Variants in NHSL1 observed in about 807,000 individuals in gnomAD.
NHSL1 encodes NHS-like protein 1.
In NHSL1, 48 loss-of-function variants were observed where a neutral mutation model predicts 95.0. The observed-to-expected ratio is 0.51, with a 90% CI of 0.40 to 0.64. The LOEUF (loss-of-function observed/expected upper bound fraction) is 0.64. NHSL1 is among the 30% of genes least tolerant of loss of function. The pLI is 0.00. For synonymous variants in NHSL1, 783 were observed against 833.9 expected, an observed-to-expected ratio of 0.94 and a Z score of 1.05; for missense variants, 1,971 against 2,077.7, an observed-to-expected ratio of 0.95 and a Z score of 1.00.
chr6:138,506,644 A>T (rs1247830699), intron 1 of NHSL1, among the ~76,000 whole-genome samples: 2 of 152,200 alleles, frequency 1.3e-5, no homozygotes, highest in Non-Finnish European at 2.9e-5. Context: ...GTTAATCTGG[A>T]AATCTTAAAG....
intron 1 of NHSL1, among the ~76,000 whole-genome samples, chr6:138,559,751 T>C (rs1209799962): frequency 6.6e-6 from 1 of 152,108 alleles, no homozygotes; most frequent in East Asian, 1.9e-4. Flanking sequence ...GGTCATAAAA[T>C]CAAGTAGTAA....
At chr6:138,683,863 T>C (rs1402682160) in intron 1 of NHSL1, among the ~76,000 whole-genome samples, 1 of 152,254 alleles carries the variant, frequency 6.6e-6, no homozygotes, top group Non-Finnish European at 1.5e-5. Context: ...ATTAAGGTGT[T>C]TGGCGTATGG....
Position 138,499,391 on chromosome 6 carries a change from T to C in NHSL1, c.-101A>G, listed in dbSNP as rs1780552022. 2 of 1,504,324 alleles carry C rather than the reference T, an allele frequency of 1.3e-6. No homozygotes were observed. The highest frequency in any genetic ancestry group is 1.4e-5 in the African/African-American group (1 of 71,038). 93.2% of individuals were successfully genotyped at this position (1,504,324 alleles called of 1,614,324 possible). A position where few individuals can be genotyped will look rare whatever the true frequency, so the allele number is the denominator to read the frequency against. ...CGTCCTTCTGCTACAGATTCTAACT[T>C]TTTCTTCCCCCGGTCTCATATCCTT... On this transcript the variant is annotated 5_prime_UTR_variant, in exon 1 of 8. Transcript: ENST00000343505.
chr6:138,535,622 T>G (rs936137372), intron 1 of NHSL1, among the ~76,000 whole-genome samples: 2 of 152,074 alleles, frequency 1.3e-5, no homozygotes, highest in African/African-American at 4.8e-5. Flanking sequence ...TCAAGGTTTT[T>G]GGGATAAGCA....
At position 138,441,975 on chromosome 6, in the gene NHSL1, A is replaced by T; in HGVS notation, c.664+8T>A. 6.5e-7 allele frequency: 1 copy of T among 1,547,520 alleles called. No individual in the cohort carries two copies. Among genetic ancestry groups the T allele is most frequent in the South Asian group, 1.2e-5 (1 of 83,284 alleles). ...AGGGCAACAGAATACAGTTCTGATG[A>T]GCCATACCTAGCTCCTTCTGTATGT... is the stretch of plus-strand genomic sequence containing the variant. On this transcript the variant is annotated splice_region_variant and intron_variant, in intron 5 of 7. Coordinates refer to ENST00000343505, the MANE Select transcript of NHSL1 (RefSeq NM_001144060.2).
rs146420484 is a variant in NHSL1, at chr6:138,678,450, T to G, written c.96+14026A>C. On this transcript the variant is annotated intron_variant, in intron 1 of 3. Coordinates refer to the NHSL1 transcript ENST00000491526. The stretch of plus-strand genomic sequence containing the variant: ...GACATTAATTCACCTCCCTGAGTCA[T>G]GCCATTGGACTAGTAGCACCATGAT... Among the ~76,000 whole-genome samples, 265 of 152,322 alleles carry G rather than the reference T, an allele frequency of 1.7e-3. 1 individual carries two copies. Among genetic ancestry groups the G allele is most frequent in the African/African-American group, 6.2e-3 (258 of 41,578 alleles).
At chr6:138,526,377 A>G (rs1320772886) in intron 1 of NHSL1, among the ~76,000 whole-genome samples, 2 of 152,174 alleles carry the variant, frequency 1.3e-5, no homozygotes, top group Non-Finnish European at 2.9e-5. Context: ...ACTACTGGGA[A>G]GGCTGAGGTG....
intron 1 of NHSL1, among the ~76,000 whole-genome samples, chr6:138,689,992 G>A (rs1375342533): frequency 6.6e-6 from 1 of 152,284 alleles, no homozygotes; most frequent in African/African-American, 2.4e-5. Context: ...GGGACGACAG[G>A]CGAGACAATC....
intron 1 of NHSL1, among the ~76,000 whole-genome samples, chr6:138,504,908 G>A (rs1448298296): frequency 6.6e-6 from 1 of 152,122 alleles, no homozygotes; most frequent in Admixed American, 6.5e-5. Context: ...AATGTTTCAG[G>A]AACCAAATAA....
chr6:138,505,466 T>C (rs1780909794), intron 1 of NHSL1, among the ~76,000 whole-genome samples: 1 of 151,878 alleles, frequency 6.6e-6, no homozygotes, highest in South Asian at 2.1e-4. Flanking sequence ...CCATCCTAGC[T>C]AAAATGGTGA....
At chr6:138,495,495 C>CA (rs1421316694) in intron 2 of NHSL1, among the ~76,000 whole-genome samples, 2 of 151,872 alleles carry the variant, frequency 1.3e-5, no homozygotes, top group African/African-American at 4.8e-5. Flanking sequence ...CAAGTGTGTT[C>CA]AAAAAAACAA....
intron 1 of NHSL1, among the ~76,000 whole-genome samples, chr6:138,627,503 T>C (rs1356674466): frequency 6.6e-6 from 1 of 152,226 alleles, no homozygotes; most frequent in Non-Finnish European, 1.5e-5. Flanking sequence ...ACATTTGGTA[T>C]ATATAAACTA....
At position 138,464,666 on chromosome 6, in the gene NHSL1, A is replaced by T. The variant is rs186272902; in HGVS notation, c.339+8640T>A. On this transcript the variant is annotated intron_variant, in intron 3 of 7. Coordinates refer to ENST00000343505, the MANE Select transcript of NHSL1 (RefSeq NM_001144060.2). Reference sequence around the variant, plus strand: ...TTGTGTGTTTTCGCTGTTTGGAATAATTACGTTCAAATAGCTAGATATTTT... The same window carrying T: ...TTGTGTGTTTTCGCTGTTTGGAATATTTACGTTCAAATAGCTAGATATTTT... 2.5e-4 allele frequency among the ~76,000 whole-genome samples: 38 copies of T among 149,418 alleles called. No homozygotes were observed. The East Asian group carries it at 7.0e-3, about 28-fold the overall frequency.
At chr6:138,557,086 G>A (rs922659942) in intron 1 of NHSL1, among the ~76,000 whole-genome samples, 1 of 152,190 alleles carries the variant, frequency 6.6e-6, no homozygotes, top group Non-Finnish European at 1.5e-5. Context: ...TTTTACAGGA[G>A]TGATTAAAAT....
chr6:138,620,550 T>C (rs1006939779), intron 1 of NHSL1, among the ~76,000 whole-genome samples: 4 of 152,136 alleles, frequency 2.6e-5, no homozygotes, highest in East Asian at 1.9e-4. Context: ...TGGTTGGTGG[T>C]TGCTAACATA....
chr6:138,689,446 T>A (rs1186398085), intron 1 of NHSL1, among the ~76,000 whole-genome samples: 2 of 152,242 alleles, frequency 1.3e-5, no homozygotes, highest in Admixed American at 1.3e-4. Context: ...TTTTGAGGAA[T>A]GGCAAACTTG....
At chr6:138,584,203 A>T (rs1400507342) in intron 1 of NHSL1, among the ~76,000 whole-genome samples, 2 of 152,174 alleles carry the variant, frequency 1.3e-5, no homozygotes, top group Non-Finnish European at 1.5e-5. Flanking sequence ...TCTCTTATAA[A>T]CTAATTCACC....
At chr6:138,450,841 G>A (rs1023565851) in intron 3 of NHSL1, among the ~76,000 whole-genome samples, 2 of 152,084 alleles carry the variant, frequency 1.3e-5, no homozygotes, top group African/African-American at 2.4e-5. Context: ...GCCTCCCAGT[G>A]TGTATAAACA....
chr6:138,578,601 T>C (rs1482788137), intron 1 of NHSL1, among the ~76,000 whole-genome samples: 1 of 152,226 alleles, frequency 6.6e-6, no homozygotes, highest in East Asian at 1.9e-4. Flanking sequence ...ATAACTTTTT[T>C]AAAAATCATG....
Sources: allele counts gnomAD v4.1 joint callset (sites outside exome capture counted in the v4.1 genomes callset), GRCh38; gene constraint gnomAD v4.1.1; transcripts MANE v1.5; gene names NCBI Gene and HGNC (gene_info 2026-07-23, HGNC 2026-07-21).